The following POPDC3 variants were observed in gnomAD, a reference collection of about 807,000 sequenced individuals.
POPDC3 encodes the protein popeye domain cAMP effector 3.
In POPDC3, 20 loss-of-function variants were observed where a neutral mutation model predicts 28.2. The ratio of observed to expected loss-of-function variants is 0.71; its 90% CI spans 0.50 to 1.03. The LOEUF (loss-of-function observed/expected upper bound fraction) is 1.03, where lower values mean the gene tolerates loss of function less well. Among genes scored for constraint, POPDC3 ranks in the 50% least tolerant of loss-of-function variants. The pLI is 0.00. For synonymous variants in POPDC3, 118 were observed against 124.1 expected (o/e 0.95, Z 0.33); for missense variants, 316 against 345.9 (o/e 0.91, Z 0.69).
chr6:105,168,932 A>G (rs1048191964), intron 1 of POPDC3: 3 of 152,238 alleles, frequency 2.0e-5, no homozygotes, highest in African/African-American at 4.8e-5. Context: ...TCTGTGAACC[A>G]TCTGAGAAGC....
At chr6:105,170,960 TG>T (rs1480350199) in intron 1 of POPDC3, among the ~76,000 whole-genome samples, 1 of 152,144 alleles carries the variant, frequency 6.6e-6, no homozygotes, top group Non-Finnish European at 1.5e-5. Flanking sequence ...GGTGAAGCGG[TG>T]GAAGAAGGAA....
chr6:105,168,613 A>C (rs1377513753), intron 1 of POPDC3: 1 of 152,256 alleles, frequency 6.6e-6, no homozygotes, highest in Non-Finnish European at 1.5e-5. Context: ...GCCCTGTATC[A>C]TTCCCTCTCC....
At chr6:105,170,971 A>AT (rs1345565325) in intron 1 of POPDC3, among the ~76,000 whole-genome samples, 1 of 152,210 alleles carries the variant, frequency 6.6e-6, no homozygotes, top group East Asian at 1.9e-4. Flanking sequence ...GGAAGAAGGA[A>AT]TAAAAACTGT....
chr6:105,170,711 T>C (rs898159421), intron 1 of POPDC3, among the ~76,000 whole-genome samples: 4 of 152,220 alleles, frequency 2.6e-5, no homozygotes, highest in South Asian at 4.1e-4. Flanking sequence ...CACTGCACTA[T>C]ACTAAACTGT....
intron 1 of POPDC3, among the ~76,000 whole-genome samples, chr6:105,166,366 G>A (rs545160712): frequency 9.2e-5 from 14 of 151,610 alleles, no homozygotes; most frequent in African/African-American, 3.4e-4. Context: ...TTTTGTCGCC[G>A]GGGCACTGAA....
Position 105,157,968 on chromosome 6 carries a change from G to T in POPDC3, c.*502C>A, listed in dbSNP as rs1774219693. 6.6e-6 allele frequency among the ~76,000 whole-genome samples: 1 copy of T among 151,884 alleles called. No individual in the cohort carries two copies. The highest frequency in any genetic ancestry group is 1.5e-5 in the Non-Finnish European group (1 of 68,012). ...CAAGATTCACATATTATTATCTCTTGCATTTATTCTACTTTTTAGTCGCAT... is the reference window on the plus strand; with the variant it reads ...CAAGATTCACATATTATTATCTCTTTCATTTATTCTACTTTTTAGTCGCAT... On this transcript the variant is annotated 3_prime_UTR_variant, in exon 4 of 4. Transcript: ENST00000254765.
intron 1 of POPDC3, among the ~76,000 whole-genome samples, chr6:105,167,227 A>C (rs1253153039): frequency 6.6e-6 from 1 of 152,164 alleles, no homozygotes; most frequent in Non-Finnish European, 1.5e-5. Flanking sequence ...TCTTGAAGTT[A>C]GGGAAAAAGT....
In POPDC3 at chr6:105,161,726, G is replaced by A; in HGVS notation, c.184C>T (p.Leu62Phe). ...YVFSLLGLGF[L>F]CSAVWAWVDV... ...ACCCAAGCCCAGACAGCAGAACAGA[G>A]AAAACCCAACCCCAGCAAACTGAAG... The change falls in exon 2 of 4, where the codon CTC becomes TTC. Residue 62 changes from leucine (L) to phenylalanine (F), a missense_variant. Leu to Phe is a conservative substitution (Grantham distance 22). Transcript: ENST00000254765. 6.2e-7 allele frequency: 1 copy of A among 1,614,114 alleles called. No individual in the cohort carries two copies. Among genetic ancestry groups the A allele is most frequent in the South Asian group, 1.1e-5 (1 of 91,080 alleles).
At chr6:105,178,849 ACTT>A in intron 1 of POPDC3, 1 of 982,198 alleles carries the variant, frequency 1.0e-6, no homozygotes, top group Non-Finnish European at 1.2e-6. Context: ...TAGCCACTAA[ACTT>A]AGTATGAACA....
At position 105,158,274 on chromosome 6, in the gene POPDC3, G is replaced by T; in HGVS notation, c.*196C>A. 1 of 525,086 alleles carries T rather than the reference G, an allele frequency of 1.9e-6. No homozygotes were observed. The highest frequency in any genetic ancestry group is 3.3e-6 in the Non-Finnish European group (1 of 303,228). The allele number at this position is 525,086 out of a possible 1,614,324, so 32.5% of individuals were successfully genotyped here. On this transcript the variant is annotated 3_prime_UTR_variant, in exon 4 of 4. Transcript: ENST00000254765. ...CCACCCCCTCCCCAATTATAACAAT[G>T]AGAAATACAAGAAAAATTTGTAAAG...
At chr6:105,161,386 A>G (rs1377944901) in intron 2 of POPDC3, 39 bp downstream of exon 2, 7 of 1,579,752 alleles carry the variant, frequency 4.4e-6, no homozygotes, top group Non-Finnish European at 6.0e-6. Context: ...CAAACAACTA[A>G]TACTTGAGGA....
At chr6:105,178,931 TCTAA>T in intron 1 of POPDC3, 1 of 985,428 alleles carries the variant, frequency 1.0e-6, no homozygotes, top group Non-Finnish European at 1.2e-6. Flanking sequence ...ATTCAAAATA[TCTAA>T]CTACCGGAAT....
intron 1 of POPDC3, among the ~76,000 whole-genome samples, chr6:105,170,849 C>G (rs776213533): frequency 6.6e-6 from 1 of 152,112 alleles, no homozygotes; most frequent in Non-Finnish European, 1.5e-5. Flanking sequence ...ATCTATCTAT[C>G]TTAAATGGTT....
At chr6:105,159,939 T>C (rs951900567) in intron 2 of POPDC3, 120 bp from the exon 3 acceptor site, 6 of 607,400 alleles carry the variant, frequency 9.9e-6, no homozygotes, top group East Asian at 5.8e-5. Flanking sequence ...CTTTATGATT[T>C]TGAAAGGCAA....
At chr6:105,171,500 C>A (rs1285337480) in intron 1 of POPDC3, among the ~76,000 whole-genome samples, 2 of 151,870 alleles carry the variant, frequency 1.3e-5, no homozygotes, top group African/African-American at 4.8e-5. Context: ...GAGACCCCAG[C>A]TCTACAAAAA....
chr6:105,171,441 G>A (rs535695373), intron 1 of POPDC3, among the ~76,000 whole-genome samples: 2 of 152,172 alleles, frequency 1.3e-5, no homozygotes, highest in South Asian at 2.1e-4. Flanking sequence ...GGCCGAGGTG[G>A]GAGGATTGCT....
At chr6:105,169,203 A>C (rs1774523283) in intron 1 of POPDC3, 1 of 152,246 alleles carries the variant, frequency 6.6e-6, no homozygotes, top group Admixed American at 6.5e-5. Context: ...TATATTTTAT[A>C]ATAGAATTAG....
chr6:105,178,525 T>C (rs1774721423), intron 1 of POPDC3, among the ~76,000 whole-genome samples: 1 of 151,290 alleles, frequency 6.6e-6, no homozygotes, highest in Non-Finnish European at 1.5e-5. Flanking sequence ...AGAGAATATC[T>C]TAGATTTCAA....
intron 3 of POPDC3, among the ~76,000 whole-genome samples, chr6:105,159,269 A>C (rs2114522952): frequency 6.6e-6 from 1 of 152,350 alleles, no homozygotes; most frequent in South Asian, 2.1e-4. Context: ...GTGGCAGCAG[A>C]GTAATGACAG....
Sources: allele counts gnomAD v4.1 joint callset (sites outside exome capture counted in the v4.1 genomes callset), GRCh38; gene constraint gnomAD v4.1.1; transcripts MANE v1.5; gene names NCBI Gene and HGNC (gene_info 2026-07-23, HGNC 2026-07-21).